FOXO1: variants seen among roughly 807,000 people sequenced by gnomAD.
The protein encoded by FOXO1 is forkhead box protein O1.
FOXO1 carries 6 observed loss-of-function variants against 44.1 expected under a neutral mutation model. The observed-to-expected ratio is 0.14, with a 90% CI of 0.07 to 0.27. FOXO1 has a LOEUF of 0.27. Among genes scored for constraint, FOXO1 ranks in the 10% least tolerant of loss-of-function variants. The pLI is 1.00. For synonymous variants in FOXO1, 380 were observed against 362.7 expected (o/e 1.05, Z -0.54); for missense variants, 737 against 888.8 (o/e 0.83, Z 2.17).
chr13:40,615,875 C>T (rs1478790342), intron 1 of FOXO1, among the ~76,000 whole-genome samples: 1 of 152,172 alleles, frequency 6.6e-6, no homozygotes, highest in South Asian at 2.1e-4. Context: ...CAGTCTGCTG[C>T]GAGAACCTCA....
chr13:40,640,659 C>G (rs1877317182), intron 1 of FOXO1, among the ~76,000 whole-genome samples: 1 of 150,900 alleles, frequency 6.6e-6, no homozygotes, highest in Non-Finnish European at 1.5e-5. Flanking sequence ...TCTTTTTGTC[C>G]TCGTCCCTTA....
intron 1 of FOXO1, among the ~76,000 whole-genome samples, chr13:40,596,977 G>A (rs891265553): frequency 1.5e-4 from 23 of 152,224 alleles, no homozygotes; most frequent in African/African-American, 4.1e-4. Context: ...GGAAGACAGC[G>A]CCTAAATCCT....
At chr13:40,637,426 AGAGT>A (rs1877197084) in intron 1 of FOXO1, among the ~76,000 whole-genome samples, 1 of 139,474 alleles carries the variant, frequency 7.2e-6, no homozygotes, top group South Asian at 2.5e-4. Flanking sequence ...CCTGGGCAAC[AGAGT>A]GAGACTCCAT....
At chr13:40,576,135 G>A (rs1013953952) in intron 1 of FOXO1, among the ~76,000 whole-genome samples, 1 of 152,202 alleles carries the variant, frequency 6.6e-6, no homozygotes, top group Non-Finnish European at 1.5e-5. Context: ...AGCTATTAGT[G>A]TTTGTGAGGA....
chr13:40,649,930 T>C (rs1485051216), intron 1 of FOXO1, among the ~76,000 whole-genome samples: 22 of 152,158 alleles, frequency 1.4e-4, no homozygotes, highest in Admixed American at 7.2e-4. Context: ...GGGGTCCCAA[T>C]CCAGACCTCA....
chr13:40,596,772 A>T (rs1341913130), intron 1 of FOXO1, among the ~76,000 whole-genome samples: 1 of 152,182 alleles, frequency 6.6e-6, no homozygotes, highest in African/African-American at 2.4e-5. Flanking sequence ...TTCAAACATC[A>T]CTGATAACTC....
intron 1 of FOXO1, among the ~76,000 whole-genome samples, chr13:40,561,373 C>A (rs1020382621): frequency 1.5e-5 from 2 of 135,674 alleles, no homozygotes; most frequent in East Asian, 2.1e-4. Flanking sequence ...AAAAAAAATT[C>A]TATATCTTAA....
At chr13:40,582,565 C>T (rs1022719175) in intron 1 of FOXO1, among the ~76,000 whole-genome samples, 1 of 152,160 alleles carries the variant, frequency 6.6e-6, no homozygotes, top group Non-Finnish European at 1.5e-5. Context: ...TATTCTAAAG[C>T]CTTTACTGTC....
In FOXO1 at chr13:40,615,104, G is replaced by A. The variant is rs140616364; in HGVS notation, c.630+50479C>T. Among the ~76,000 whole-genome samples, 121 of 152,296 alleles carry A rather than the reference G, an allele frequency of 7.9e-4. 1 individual carries two copies. The highest frequency in any genetic ancestry group is 2.5e-3 in the African/African-American group (105 of 41,562). Reference sequence around the variant, plus strand: ...ATGCACATTCATGCAGCAAACAACCGCTGAGCACCTACCACCGTGTGGGTT... The same window carrying A: ...ATGCACATTCATGCAGCAAACAACCACTGAGCACCTACCACCGTGTGGGTT... On this transcript the variant is annotated intron_variant, in intron 1 of 2. Coordinates refer to ENST00000379561, the MANE Select transcript of FOXO1 (RefSeq NM_002015.4).
intron 1 of FOXO1, among the ~76,000 whole-genome samples, chr13:40,637,020 A>G (rs1270733418): frequency 6.6e-6 from 1 of 152,184 alleles, no homozygotes; most frequent in African/African-American, 2.4e-5. Flanking sequence ...CTTACAAATG[A>G]GGAAACTGAG....
At chr13:40,632,283 C>T (rs960687012) in intron 1 of FOXO1, among the ~76,000 whole-genome samples, 1 of 152,092 alleles carries the variant, frequency 6.6e-6, no homozygotes, top group Non-Finnish European at 1.5e-5. Context: ...AAACAAAACA[C>T]AAAAACCCCA....
At chr13:40,630,846 C>G (rs1381970642) in intron 1 of FOXO1, among the ~76,000 whole-genome samples, 1 of 152,046 alleles carries the variant, frequency 6.6e-6, no homozygotes, top group Non-Finnish European at 1.5e-5. Flanking sequence ...AGGAAGTTGC[C>G]TTAAAGTATA....
In FOXO1 at chr13:40,560,285, C is replaced by T. The variant is rs144776359; in HGVS notation, c.1206G>A (p.Thr402=). 8.7e-6 allele frequency: 14 copies of T among 1,614,102 alleles called. No individual in the cohort carries two copies. The highest frequency in any genetic ancestry group is 5.5e-5 in the South Asian group (5 of 91,074). Residue 402 remains threonine (T), a synonymous_variant, in exon 2 of 3, where the codon ACG becomes ACA. Coordinates refer to ENST00000379561, the MANE Select transcript of FOXO1 (RefSeq NM_002015.4). This position sits in a 1 kb window ranked among gnomAD's most constrained non-coding sequence, Gnocchi z 5.1. ...QSSPGTMMQQ[T]PCYSFAPPNT... is the part of the protein sequence containing the mutation. ...TTGGTGGCGCAAACGAGTAGCACGG[C>T]GTCTGCTGCATCATGGTGCCAGGTG...
At chr13:40,624,168 T>C (rs1205307858) in intron 1 of FOXO1, among the ~76,000 whole-genome samples, 2 of 151,748 alleles carry the variant, frequency 1.3e-5, no homozygotes, top group East Asian at 3.9e-4. Flanking sequence ...GACGACCCTC[T>C]GCAGAAGAAG....
At chr13:40,617,338 G>A (rs1050065115) in intron 1 of FOXO1, among the ~76,000 whole-genome samples, 4 of 152,092 alleles carry the variant, frequency 2.6e-5, no homozygotes, top group African/African-American at 7.2e-5. Flanking sequence ...CCAGCTACCT[G>A]GGAGGCTGAG....
intron 1 of FOXO1, among the ~76,000 whole-genome samples, chr13:40,608,408 A>G (rs1876100595): frequency 6.6e-6 from 1 of 152,236 alleles, no homozygotes; most frequent in South Asian, 2.1e-4. Flanking sequence ...CCAAGGCCTC[A>G]AAGTGAGACA....
Position 40,666,165 on chromosome 13 carries a change from C to G in FOXO1, c.48G>C (p.Pro16=). ...AGGTGCACGAGCGCGGCCGGGGCAG[C>G]GGCTCGAAGTCCGGGTCGATCTCCA... The part of the protein sequence containing the change: ...QVVEIDPDFE[P]LPRPRSCTWP... Residue 16 remains proline (P), a synonymous_variant, in exon 1 of 3, where the codon CCG becomes CCC. Coordinates refer to ENST00000379561, the MANE Select transcript of FOXO1 (RefSeq NM_002015.4). The G allele has an allele frequency of 6.9e-7, 1 of 1,459,174 alleles. No homozygotes were observed. Among genetic ancestry groups the G allele is most frequent in the Non-Finnish European group, 9.0e-7 (1 of 1,108,732 alleles). The allele number at this position is 1,459,174 out of a possible 1,614,324, so 90.4% of individuals were successfully genotyped here.
chr13:40,651,078 T>A (rs1372851944), intron 1 of FOXO1, among the ~76,000 whole-genome samples: 3 of 129,280 alleles, frequency 2.3e-5, no homozygotes, highest in Non-Finnish European at 4.7e-5. Flanking sequence ...CTGCCTAGTT[T>A]TTTTGGTTTT....
At position 40,657,862 on chromosome 13, in the gene FOXO1, G is replaced by A. The variant is rs1388825264; in HGVS notation, c.630+7721C>T. 5.3e-5 allele frequency among the ~76,000 whole-genome samples: 8 copies of A among 152,070 alleles called. No individual in the cohort carries two copies. The East Asian group carries it at 1.5e-3, about 29-fold the overall frequency. On this transcript the variant is annotated intron_variant, in intron 1 of 2. Coordinates refer to ENST00000379561, the MANE Select transcript of FOXO1 (RefSeq NM_002015.4). ...AAAAAAAGGACTCTGACAATCTGTT[G>A]AAAACAAAATAATCACTGTTCTTTA...
Sources: gnomAD v4.1 joint callset for allele counts (sites outside exome capture counted in the v4.1 genomes callset) on GRCh38, gnomAD v4.1.1 for gene constraint, Gnocchi (gnomAD v3.1) non-coding constraint, MANE v1.5 for transcripts, NCBI Gene and HGNC (gene_info 2026-07-23, HGNC 2026-07-21) for gene names.